FAM83B: variants seen among roughly 807,000 people sequenced by gnomAD.
The protein encoded by FAM83B is protein FAM83B.
Under a neutral mutation model 38.8 loss-of-function variants are expected in FAM83B, and 26 were observed. That is an observed-to-expected ratio of 0.67 (90% CI 0.49 to 0.93). The LOEUF is 0.93. Among genes scored for constraint, FAM83B ranks in the 40% least tolerant of loss-of-function variants. FAM83B has a pLI of 0.00. For synonymous variants in FAM83B, 419 were observed against 423.1 expected (o/e 0.99, Z 0.12); for missense variants, 1,237 against 1,197.3 (o/e 1.03, Z -0.49).
rs1183318257 is a variant in FAM83B, at chr6:54,942,290, AT to A, written c.*288del. Among the ~76,000 whole-genome samples, 4 of 152,204 alleles carry A rather than the reference AT, an allele frequency of 2.6e-5. No homozygotes were observed. Among genetic ancestry groups the A allele is most frequent in the Non-Finnish European group, 4.4e-5 (3 of 68,038 alleles). The stretch of plus-strand genomic sequence containing the variant: ...TGAAGATTTTAAGTCTCACTTAGAA[AT>A]TTTTGTGGACGATGTATGGTGTATG... On this transcript the variant is annotated 3_prime_UTR_variant, in exon 5 of 5. Coordinates refer to ENST00000306858, the MANE Select transcript of FAM83B (RefSeq NM_001010872.3).
chr6:54,866,248 A>AT (rs1581887212), intron 1 of FAM83B, among the ~76,000 whole-genome samples: 3 of 150,812 alleles, frequency 2.0e-5, no homozygotes, highest in Admixed American at 1.3e-4. Flanking sequence ...CATCAGTAAG[A>AT]TTTTTTTCAT....
chr6:54,933,428 G>A (rs1057028450), intron 4 of FAM83B, among the ~76,000 whole-genome samples: 5 of 151,948 alleles, frequency 3.3e-5, no homozygotes, highest in Admixed American at 1.3e-4. Flanking sequence ...TTAGCTCATT[G>A]AGCATTTTTA....
At chr6:54,850,558 C>T (rs1701599970) in intron 1 of FAM83B, among the ~76,000 whole-genome samples, 1 of 152,108 alleles carries the variant, frequency 6.6e-6, no homozygotes, top group African/African-American at 2.4e-5. Context: ...TTTCAAAGCA[C>T]TAAAGAGTGT....
At chr6:54,915,863 A>G (rs982328045) in intron 2 of FAM83B, among the ~76,000 whole-genome samples, 1 of 150,536 alleles carries the variant, frequency 6.6e-6, no homozygotes, top group Non-Finnish European at 1.5e-5. Flanking sequence ...AACTCATCCT[A>G]TGTATACAAA....
At chr6:54,893,708 T>C (rs1236942905) in intron 2 of FAM83B, among the ~76,000 whole-genome samples, 1 of 152,150 alleles carries the variant, frequency 6.6e-6, no homozygotes, top group Admixed American at 6.5e-5. Context: ...TATATGTGTA[T>C]AGTTAAGCAT....
intron 2 of FAM83B, among the ~76,000 whole-genome samples, chr6:54,923,251 A>T (rs139722552): frequency 3.3e-4 from 50 of 152,210 alleles, no homozygotes; most frequent in African/African-American, 1.1e-3. Flanking sequence ...AATGTTCTTT[A>T]ATGCCAGCAG....
intron 1 of FAM83B, among the ~76,000 whole-genome samples, chr6:54,854,615 T>C (rs1771397680): frequency 6.6e-6 from 1 of 152,206 alleles, no homozygotes; most frequent in Non-Finnish European, 1.5e-5. Context: ...CATAATGCTA[T>C]TGCACACTTA....
chr6:54,854,088 T>A (rs1052581374), intron 1 of FAM83B, among the ~76,000 whole-genome samples: 8 of 152,210 alleles, frequency 5.3e-5, no homozygotes, highest in South Asian at 2.1e-4. Context: ...AAGAGGAGCC[T>A]GAAGATGTGG....
chr6:54,940,476 A>G lies in FAM83B; in HGVS notation c.1505A>G (p.Asn502Ser), dbSNP rs995852319. 6.2e-7 allele frequency: 1 copy of G among 1,614,024 alleles called. No homozygotes were observed. The highest frequency in any genetic ancestry group is 1.7e-5 in the Admixed American group (1 of 60,002). ...LRNWRIESYLNDHSEATPDSN... is the reference protein window; with the variant it reads ...LRNWRIESYLSDHSEATPDSN... Reference sequence around the variant, plus strand: ...AACTGGAGAATTGAATCCTACTTAAATGATCATTCAGAAGCTACACCGGAC... The same window carrying G: ...AACTGGAGAATTGAATCCTACTTAAGTGATCATTCAGAAGCTACACCGGAC... Residue 502 changes from asparagine (N) to serine (S), a missense_variant, in exon 5 of 5, where the codon AAT (asparagine) becomes AGT (serine). By Grantham distance (46) the Asn-to-Ser change is conservative. Transcript: ENST00000306858.
chr6:54,848,479 C>T lies in FAM83B; in HGVS notation c.-61+1653C>T, dbSNP rs191397258. On this transcript the variant is annotated intron_variant, in intron 1 of 4. Coordinates refer to ENST00000306858, the MANE Select transcript of FAM83B (RefSeq NM_001010872.3). ...AGATTGTATAGATGGAGACAAACCA[C>T]ACCTCTGGTGCTGACTCAGTGATGT... Among the ~76,000 whole-genome samples the T allele has an allele frequency of 1.1e-3, 163 of 152,344 alleles. 1 individual carries two copies. The highest frequency in any genetic ancestry group is 2.7e-3 in the African/African-American group (113 of 41,568).
In FAM83B at chr6:54,858,957, A is replaced by G. The variant is rs564104538; in HGVS notation, c.-60-11230A>G. 2.6e-5 allele frequency among the ~76,000 whole-genome samples: 4 copies of G among 152,280 alleles called. No individual in the cohort carries two copies. In the East Asian group the frequency reaches 7.7e-4, roughly 29 times the overall value. On this transcript the variant is annotated intron_variant, in intron 1 of 4. Transcript: ENST00000306858. Reference sequence around the variant, plus strand: ...GCCCTTTATAAATGGGTAATATTTTATATTACCAAAAACCTAACCTCGATT... The same window carrying G: ...GCCCTTTATAAATGGGTAATATTTTGTATTACCAAAAACCTAACCTCGATT...
At chr6:54,925,372 GTTC>G (rs1457384609) in intron 2 of FAM83B, among the ~76,000 whole-genome samples, 1 of 152,048 alleles carries the variant, frequency 6.6e-6, no homozygotes, top group Non-Finnish European at 1.5e-5. Flanking sequence ...GCAGGATTTT[GTTC>G]TTCTTGCATG....
chr6:54,895,807 C>T (rs1312673886), intron 2 of FAM83B, among the ~76,000 whole-genome samples: 1 of 152,026 alleles, frequency 6.6e-6, no homozygotes, highest in Non-Finnish European at 1.5e-5. Flanking sequence ...GTGGGGTGAT[C>T]TTGGCTCACT....
At chr6:54,854,259 T>C (rs999083384) in intron 1 of FAM83B, among the ~76,000 whole-genome samples, 2 of 152,170 alleles carry the variant, frequency 1.3e-5, no homozygotes, top group Admixed American at 6.5e-5. Flanking sequence ...TTATAAAAAC[T>C]TAGTTGGTAA....
chr6:54,855,842 A>G (rs1231123387), intron 1 of FAM83B, among the ~76,000 whole-genome samples: 1 of 152,216 alleles, frequency 6.6e-6, no homozygotes, highest in Non-Finnish European at 1.5e-5. Flanking sequence ...AAAACCATTA[A>G]TTACTTGAGT....
At chr6:54,848,159 T>C (rs1179266605) in intron 1 of FAM83B, among the ~76,000 whole-genome samples, 1 of 152,116 alleles carries the variant, frequency 6.6e-6, no homozygotes, top group Non-Finnish European at 1.5e-5. Context: ...GAGAATAATG[T>C]GAAACAGAAT....
At chr6:54,876,800 G>A (rs1772008375) in intron 2 of FAM83B, among the ~76,000 whole-genome samples, 1 of 152,076 alleles carries the variant, frequency 6.6e-6, no homozygotes, top group East Asian at 1.9e-4. Flanking sequence ...TCTGAGCTTT[G>A]AGGTAGTGTT....
chr6:54,944,010 A>T lies in FAM83B; in HGVS notation c.*2003A>T, dbSNP rs1773755238. 6.6e-6 allele frequency: 1 copy of T among 152,160 alleles called. No homozygotes were observed. The highest frequency in any genetic ancestry group is 1.5e-5 in the Non-Finnish European group (1 of 68,032). The allele number at this position is 152,160 out of a possible 1,614,324, so 9.4% of individuals were successfully genotyped here. A position where few individuals can be genotyped will look rare whatever the true frequency, so the allele number is the denominator to read the frequency against. ...GAATGCTTTATTTCATCATCCCCTGACAGGTGACTTAGGCTTTGCACAGCA... is the reference window on the plus strand; with the variant it reads ...GAATGCTTTATTTCATCATCCCCTGTCAGGTGACTTAGGCTTTGCACAGCA... On this transcript the variant is annotated 3_prime_UTR_variant, in exon 5 of 5. Transcript: ENST00000306858.
chr6:54,886,991 A>G (rs1772291948), intron 2 of FAM83B, among the ~76,000 whole-genome samples: 1 of 152,034 alleles, frequency 6.6e-6, no homozygotes, highest in Non-Finnish European at 1.5e-5. Flanking sequence ...TAAATTTCCA[A>G]ATCGTTTCGA....
Sources: allele counts gnomAD v4.1 joint callset (sites outside exome capture counted in the v4.1 genomes callset), GRCh38; gene constraint gnomAD v4.1.1; transcripts MANE v1.5; gene names NCBI Gene and HGNC (gene_info 2026-07-23, HGNC 2026-07-21).